The following FNTA variants were observed in gnomAD, a reference collection of about 807,000 sequenced individuals.
The protein encoded by FNTA is farnesyltransferase, CAAX box, subunit alpha.
In FNTA, 27 loss-of-function variants were observed where a neutral mutation model predicts 55.2. That is an observed-to-expected ratio of 0.49 (90% confidence interval 0.36 to 0.67). The LOEUF (loss-of-function observed/expected upper bound fraction) is 0.67, where lower values mean the gene tolerates loss of function less well. FNTA is among the 30% of genes least tolerant of loss of function. FNTA has a pLI of 0.00. For missense variants in FNTA, 422 were observed against 464.7 expected, an observed-to-expected ratio of 0.91 and a Z score of 0.85; for synonymous variants, 176 against 170.7, an observed-to-expected ratio of 1.03 and a Z score of -0.24.
At position 43,077,323 on chromosome 8, in the gene FNTA, C is replaced by G; in HGVS notation, c.741C>G (p.Thr247=). ...WNQRYFVISN[T]TGYNDRAVLE... ...AAAGATACTTCGTTATTTCTAACACCACTGGCTACAATGATCGTGCTGTAT... is the reference window on the plus strand; with the variant it reads ...AAAGATACTTCGTTATTTCTAACACGACTGGCTACAATGATCGTGCTGTAT... The change falls in exon 6 of 9, where the codon ACC becomes ACG. Residue 247 remains threonine, a synonymous_variant. Coordinates refer to ENST00000302279, the MANE Select transcript of FNTA (RefSeq NM_002027.3). 1 of 1,612,798 alleles carries G rather than the reference C, an allele frequency of 6.2e-7. No individual in the cohort carries two copies. The highest frequency in any genetic ancestry group is 8.5e-7 in the Non-Finnish European group (1 of 1,179,258).
intron 3 of FNTA, among the ~76,000 whole-genome samples, chr8:43,067,944 G>C (rs1292564398): frequency 1.3e-5 from 2 of 152,152 alleles, no homozygotes; most frequent in African/African-American, 4.8e-5. Flanking sequence ...CTGTCGCCCA[G>C]GCTGGAGTGC....
intron 6 of FNTA, chr8:43,082,603 T>G (rs1811047273): frequency 6.6e-6 from 1 of 152,206 alleles, no homozygotes; most frequent in African/African-American, 2.4e-5. Flanking sequence ...GCTTTTAGAT[T>G]AGTTTTGTGT....
intron 8 of FNTA, 105 bp from the exon 9 acceptor site, chr8:43,085,055 T>C: frequency 8.6e-7 from 1 of 1,159,088 alleles, no homozygotes; most frequent in Non-Finnish European, 1.2e-6. Context: ...CTCTTAATAG[T>C]GTGTCTTCAT....
chr8:43,071,395 G>A (rs1810787001), intron 4 of FNTA, among the ~76,000 whole-genome samples: 1 of 152,094 alleles, frequency 6.6e-6, no homozygotes, highest in Admixed American at 6.5e-5. Context: ...TCCTGGCCGG[G>A]CGCGGTGGCT....
chr8:43,074,676 GT>G (rs1203539731), intron 5 of FNTA, among the ~76,000 whole-genome samples: 2 of 152,164 alleles, frequency 1.3e-5, no homozygotes, highest in Non-Finnish European at 2.9e-5. Flanking sequence ...GTTTCATACT[GT>G]ATGGCTCCAT....
intron 5 of FNTA, among the ~76,000 whole-genome samples, chr8:43,075,536 C>G (rs1183503236): frequency 6.6e-6 from 1 of 151,546 alleles, no homozygotes; most frequent in African/African-American, 2.4e-5. Flanking sequence ...TTTATATTGC[C>G]TGGGTGTGGT....
At chr8:43,075,690 C>T (rs943256275) in intron 5 of FNTA, among the ~76,000 whole-genome samples, 2 of 152,084 alleles carry the variant, frequency 1.3e-5, no homozygotes, top group Non-Finnish European at 2.9e-5. Context: ...TTGGCTCACA[C>T]CTGTAGTCCC....
chr8:43,059,252 A>G, intron 2 of FNTA, 75 bp downstream of exon 2: 1 of 951,088 alleles, frequency 1.1e-6, no homozygotes, highest in Admixed American at 2.9e-5. Flanking sequence ...ACTATGTAGC[A>G]AGATAGATGA....
intron 5 of FNTA, chr8:43,076,824 C>G (rs1019794973): frequency 6.5e-6 from 1 of 152,904 alleles, no homozygotes; most frequent in African/African-American, 2.4e-5. Context: ...TTGCAGTGAG[C>G]TGAGTTCACG....
At chr8:43,064,984 C>T (rs1810620500) in intron 3 of FNTA, among the ~76,000 whole-genome samples, 1 of 149,276 alleles carries the variant, frequency 6.7e-6, no homozygotes, top group Admixed American at 6.7e-5. Flanking sequence ...TTACAGGTGC[C>T]CGCCACCATG....
Position 43,078,279 on chromosome 8 carries a change from C to G in FNTA, c.782+915C>G, listed in dbSNP as rs141868740. ...TTCATGCTTTTTTTCTAGTGCTCTC[C>G]TATATAAAGCTGTACAGGCATACCT... is the stretch of plus-strand genomic sequence containing the variant. On this transcript the variant is annotated intron_variant, in intron 6 of 8. Transcript: ENST00000302279. 4 of 152,192 alleles carry G rather than the reference C, an allele frequency of 2.6e-5. No homozygotes were observed. The East Asian group carries it at 7.7e-4, about 29-fold the overall frequency. 9.4% of individuals were successfully genotyped at this position (152,192 alleles called of 1,614,324 possible). A position where few individuals can be genotyped will look rare whatever the true frequency, so the allele number is the denominator to read the frequency against.
chr8:43,066,186 ACT>A (rs1329397334), intron 3 of FNTA, among the ~76,000 whole-genome samples: 2 of 147,092 alleles, frequency 1.4e-5, no homozygotes, highest in Non-Finnish European at 3.0e-5. Context: ...TTATTTTCTA[ACT>A]CTCGTATGGA....
chr8:43,057,949 T>A lies in FNTA; in HGVS notation c.201-1143T>A, dbSNP rs113229483. Among the ~76,000 whole-genome samples the A allele has an allele frequency of 9.6e-5, 13 of 135,038 alleles. No individual in the cohort carries two copies. The East Asian group carries it at 2.7e-3, about 28-fold the overall frequency. 88.6% of individuals were successfully genotyped at this position (135,038 alleles called of 152,430 possible). ...ACCACAGCCTGGACAAGAGCGTGAC[T>A]CCATCTCAAAAAAAAAAAAAAAAAG... On this transcript the variant is annotated intron_variant, in intron 1 of 8. Transcript: ENST00000302279.
At chr8:43,080,453 G>GT (rs1810999718) in intron 6 of FNTA, 2 of 152,192 alleles carry the variant, frequency 1.3e-5, no homozygotes, top group African/African-American at 4.8e-5. Flanking sequence ...TATGTACATT[G>GT]TTTTTTTAGA....
intron 3 of FNTA, among the ~76,000 whole-genome samples, chr8:43,065,193 T>G (rs1054145921): frequency 6.6e-6 from 1 of 151,962 alleles, no homozygotes; most frequent in Non-Finnish European, 1.5e-5. Flanking sequence ...TCCACTACCC[T>G]CCCTCCATCA....
chr8:43,059,295 TAA>T (rs1437766186), intron 2 of FNTA, 118 bp downstream of exon 2: 1 of 659,438 alleles, frequency 1.5e-6, no homozygotes, highest in Non-Finnish European at 2.6e-6. Context: ...CTGAATGACT[TAA>T]GATGAGTTAA....
intron 1 of FNTA, among the ~76,000 whole-genome samples, chr8:43,058,734 ACCACTGCACT>A (rs995258213): frequency 6.6e-6 from 1 of 152,140 alleles, no homozygotes; most frequent in Non-Finnish European, 1.5e-5. Flanking sequence ...CCGAGATGAC[ACCACTGCACT>A]CCAGCCTGGG....
chr8:43,084,616 G>A (rs997447827), intron 7 of FNTA, 94 bp from the exon 8 acceptor site: 2 of 924,708 alleles, frequency 2.2e-6, no homozygotes, highest in Non-Finnish European at 3.3e-6. Context: ...TCCTTTTCTT[G>A]TTTGTGTTTC....
intron 7 of FNTA, among the ~76,000 whole-genome samples, chr8:43,083,828 T>C (rs1811071168): frequency 6.6e-6 from 1 of 152,198 alleles, no homozygotes; most frequent in African/African-American, 2.4e-5. Flanking sequence ...ATCCCAGCAC[T>C]TTGGGAGGCC....
Sources: gnomAD v4.1 joint callset for allele counts (sites outside exome capture counted in the v4.1 genomes callset) on GRCh38, gnomAD v4.1.1 for gene constraint, MANE v1.5 for transcripts, NCBI Gene and HGNC (gene_info 2026-07-23, HGNC 2026-07-21) for gene names.